The following RBFOX1 variants were observed in gnomAD, a reference collection of about 807,000 sequenced individuals.
The protein encoded by RBFOX1 is RNA binding protein fox-1 homolog 1.
RBFOX1 carries 8 observed loss-of-function variants against 57.7 expected under a neutral mutation model. That is an observed-to-expected ratio of 0.14 (90% CI 0.08 to 0.25). The LOEUF is 0.25. Ranked by LOEUF, RBFOX1 falls within the 10% of genes least tolerant of loss-of-function variation. The pLI is 1.00. For synonymous variants in RBFOX1, 326 were observed against 222.4 expected (o/e 1.47, Z -4.15); for missense variants, 611 against 548.5 (o/e 1.11, Z -1.14).
At chr16:5,410,934 A>C (rs767750060) in intron 1 of RBFOX1, among the ~76,000 whole-genome samples, 2 of 152,194 alleles carry the variant, frequency 1.3e-5, no homozygotes, top group Non-Finnish European at 2.9e-5. Context: ...TTTCATCTCT[A>C]ACTGGGGATC....
At chr16:6,145,330 T>G (rs867552428) in intron 1 of RBFOX1, among the ~76,000 whole-genome samples, 3 of 152,276 alleles carry the variant, frequency 2.0e-5, no homozygotes, top group African/African-American at 7.2e-5. Flanking sequence ...GATAAAGGCC[T>G]CCAACTCCAT....
chr16:6,494,370 G>C (rs918834200), intron 2 of RBFOX1, among the ~76,000 whole-genome samples: 2 of 152,080 alleles, frequency 1.3e-5, no homozygotes, highest in Non-Finnish European at 2.9e-5. Flanking sequence ...TATCTCTCGC[G>C]ACCACCTGCC....
chr16:6,673,953 C>T (rs951500346), intron 3 of RBFOX1, among the ~76,000 whole-genome samples: 5 of 152,104 alleles, frequency 3.3e-5, no homozygotes, highest in African/African-American at 1.2e-4. Context: ...TGCACACCTC[C>T]AGAACAAAGG....
At chr16:5,963,610 T>A (rs1165138381) in intron 4 of RBFOX1, among the ~76,000 whole-genome samples, 1 of 152,174 alleles carries the variant, frequency 6.6e-6, no homozygotes, top group African/African-American at 2.4e-5. Flanking sequence ...TCCATACATC[T>A]ATAATCAACT....
chr16:6,575,392 A>C (rs1323446415), intron 2 of RBFOX1, among the ~76,000 whole-genome samples: 1 of 152,188 alleles, frequency 6.6e-6, no homozygotes, highest in Non-Finnish European at 1.5e-5. Context: ...ACTTTAAGCA[A>C]AATGACGTGT....
intron 3 of RBFOX1, among the ~76,000 whole-genome samples, chr16:5,787,530 A>C (rs73527894): frequency 0.024 from 3,692 of 152,318 alleles, 151 homozygotes; most frequent in African/African-American, 0.085. Flanking sequence ...ACTCAAGGAC[A>C]GTATGGTTTA....
chr16:6,448,320 C>T (rs925855585), intron 2 of RBFOX1, among the ~76,000 whole-genome samples: 5 of 151,738 alleles, frequency 3.3e-5, no homozygotes, highest in Admixed American at 2.0e-4. Context: ...CCACCACACC[C>T]AGCTAATTTT....
At chr16:6,932,543 C>T (rs2076732371) in intron 3 of RBFOX1, among the ~76,000 whole-genome samples, 1 of 152,124 alleles carries the variant, frequency 6.6e-6, no homozygotes, top group African/African-American at 2.4e-5. Flanking sequence ...AGTGTCTCAC[C>T]TATATGGTAG....
At chr16:7,375,778 T>C (rs2147649680) in intron 4 of RBFOX1, among the ~76,000 whole-genome samples, 1 of 152,206 alleles carries the variant, frequency 6.6e-6, no homozygotes, top group African/African-American at 2.4e-5. Context: ...CTACTCTCTC[T>C]CCCCCCATGC....
chr16:7,142,824 G>C (rs533849576), intron 4 of RBFOX1, among the ~76,000 whole-genome samples: 1 of 152,126 alleles, frequency 6.6e-6, no homozygotes, highest in African/African-American at 2.4e-5. Context: ...ATGAATGAAA[G>C]ATAGAAAGAA....
chr16:6,591,003 C>T (rs1352452736), intron 2 of RBFOX1, among the ~76,000 whole-genome samples: 1 of 152,132 alleles, frequency 6.6e-6, no homozygotes, highest in Non-Finnish European at 1.5e-5. Flanking sequence ...CATAACCTCT[C>T]TGAACTTGGT....
chr16:5,503,632 T>G (rs2043277357), intron 2 of RBFOX1, among the ~76,000 whole-genome samples: 1 of 152,228 alleles, frequency 6.6e-6, no homozygotes, highest in Non-Finnish European at 1.5e-5. Context: ...GTAGTAGAGA[T>G]GAGGTTTCCC....
At chr16:5,266,360 T>C (rs1272582884) in intron 1 of RBFOX1, among the ~76,000 whole-genome samples, 1 of 152,106 alleles carries the variant, frequency 6.6e-6, no homozygotes, top group Admixed American at 6.6e-5. Context: ...TATTGCCTAA[T>C]GTCCCCCGGG....
intron 1 of RBFOX1, among the ~76,000 whole-genome samples, chr16:6,025,716 T>G (rs2095178470): frequency 6.6e-6 from 1 of 152,106 alleles, no homozygotes; most frequent in South Asian, 2.1e-4. Flanking sequence ...CAGTGCAAAG[T>G]GGGTTGCTTA....
At chr16:5,523,326 C>G (rs1418217513) in intron 2 of RBFOX1, among the ~76,000 whole-genome samples, 1 of 151,798 alleles carries the variant, frequency 6.6e-6, no homozygotes, top group African/African-American at 2.4e-5. Flanking sequence ...TTTGATGTAC[C>G]AATTTCCAGC....
intron 1 of RBFOX1, among the ~76,000 whole-genome samples, chr16:6,242,906 G>A (rs1037806895): frequency 2.6e-5 from 4 of 152,096 alleles, no homozygotes; most frequent in African/African-American, 4.8e-5. Context: ...CGTGATATAT[G>A]TGTATACACT....
chr16:5,408,581 G>A (rs1483675991), intron 1 of RBFOX1, among the ~76,000 whole-genome samples: 1 of 152,176 alleles, frequency 6.6e-6, no homozygotes, highest in Non-Finnish European at 1.5e-5. Context: ...TGCTTCGGGT[G>A]TGTGGCTGCT....
intron 3 of RBFOX1, among the ~76,000 whole-genome samples, chr16:7,046,994 A>G (rs1362005379): frequency 6.7e-6 from 1 of 150,068 alleles, no homozygotes; most frequent in Non-Finnish European, 1.5e-5. Flanking sequence ...GCTTTAAGCC[A>G]TTAAACATAT....
At chr16:6,506,793 C>G (rs911961189) in intron 2 of RBFOX1, among the ~76,000 whole-genome samples, 2 of 151,934 alleles carry the variant, frequency 1.3e-5, no homozygotes, top group African/African-American at 2.4e-5. Flanking sequence ...ATTACAGGCA[C>G]CAACCACCAT....
Sources: allele counts gnomAD v4.1 joint callset (sites outside exome capture counted in the v4.1 genomes callset), GRCh38; gene constraint gnomAD v4.1.1; transcripts MANE v1.5; gene names NCBI Gene and HGNC (gene_info 2026-07-23, HGNC 2026-07-21).